AFF2: variants seen among roughly 807,000 people sequenced by gnomAD.
AFF2 encodes ALF transcription elongation factor 2, also known as AF4/FMR2 family member 2.
AFF2 carries 14 observed loss-of-function variants against 76.9 expected under a neutral mutation model. The observed-to-expected ratio is 0.18, with a 90% confidence interval of 0.12 to 0.28. The LOEUF is 0.28. Ranked by LOEUF, AFF2 falls within the 10% of genes least tolerant of loss-of-function variation. The pLI is 1.00. For synonymous variants in AFF2, 398 were observed against 366.7 expected (o/e 1.09, Z -0.98); for missense variants, 868 against 1,001.1 (o/e 0.87, Z 1.79).
chrX:148,873,356 G>GCTGCAACCCAGGCAGT (rs2071000919), intron 7 of AFF2, among the ~76,000 whole-genome samples: 1 of 110,514 alleles, frequency 9.0e-6, no homozygotes, highest in Admixed American at 9.7e-5. Flanking sequence ...AGGAGAAACT[G>GCTGCAACCCAGGCAGT]CTGCAACCCA....
chrX:148,585,407 C>T (rs1272444448), intron 1 of AFF2, among the ~76,000 whole-genome samples: 1 of 111,979 alleles, frequency 8.9e-6, no homozygotes, highest in African/African-American at 3.3e-5. Flanking sequence ...GTACCTGCCA[C>T]CTAGAGATCT....
chrX:148,732,148 A>G (rs1227066945), intron 3 of AFF2, among the ~76,000 whole-genome samples: 1 of 85,646 alleles, frequency 1.2e-5, no homozygotes, highest in Non-Finnish European at 2.1e-5. Flanking sequence ...GGCATTATTC[A>G]CAATAGCAAA....
chrX:148,902,018 C>A (rs1373358895), intron 8 of AFF2, among the ~76,000 whole-genome samples: 1 of 111,373 alleles, frequency 9.0e-6, no homozygotes, highest in East Asian at 2.9e-4. Flanking sequence ...AGCCAGGCAA[C>A]CCAGAAAAAA....
chrX:148,846,497 A>C (rs1265402), intron 7 of AFF2, among the ~76,000 whole-genome samples: 2 of 111,417 alleles, frequency 1.8e-5, no homozygotes, highest in African/African-American at 3.3e-5. Context: ...CAGTGTTCAA[A>C]TTTAAGCAGT....
intron 7 of AFF2, among the ~76,000 whole-genome samples, chrX:148,882,634 C>T (rs2071111204): frequency 9.0e-6 from 1 of 111,507 alleles, no homozygotes; most frequent in Non-Finnish European, 1.9e-5. Context: ...GGAATTATAA[C>T]CTCATGAAAA....
At position 148,760,392 on chromosome X, in the gene AFF2, T is replaced by C. The variant is rs185010032; in HGVS notation, c.1042-49484T>C. On this transcript the variant is annotated intron_variant, in intron 3 of 20. Transcript: ENST00000370460. Reference sequence around the variant, plus strand: ...ATCCCTGCCTGGTTACAGAAAGCAGTATACAAGACAAATAAGAAATACTAC... The same window carrying C: ...ATCCCTGCCTGGTTACAGAAAGCAGCATACAAGACAAATAAGAAATACTAC... 3.0e-3 allele frequency among the ~76,000 whole-genome samples: 341 copies of C among 112,323 alleles called. 10 individuals carry two copies. Among genetic ancestry groups the C allele is most frequent in the Admixed American group, 0.028 (296 of 10,570 alleles).
At chrX:148,747,975 G>A (rs1164902403) in intron 3 of AFF2, among the ~76,000 whole-genome samples, 1 of 111,819 alleles carries the variant, frequency 8.9e-6, no homozygotes, top group Admixed American at 9.5e-5. Context: ...AGTTAGAAAT[G>A]GGCTCAAATT....
chrX:148,709,103 G>A (rs1312200850), intron 3 of AFF2, among the ~76,000 whole-genome samples: 1 of 111,411 alleles, frequency 9.0e-6, no homozygotes, highest in Non-Finnish European at 1.9e-5. Flanking sequence ...CACTTAGTAA[G>A]AACCTTTCTA....
intron 7 of AFF2, among the ~76,000 whole-genome samples, chrX:148,866,457 G>A (rs2070908370): frequency 8.9e-6 from 1 of 112,329 alleles, no homozygotes; most frequent in African/African-American, 3.2e-5. Context: ...TTTTATACTG[G>A]CACAAATTCC....
chrX:148,851,608 G>A (rs1305922588), intron 7 of AFF2, among the ~76,000 whole-genome samples: 2 of 111,603 alleles, frequency 1.8e-5, no homozygotes, highest in Non-Finnish European at 3.8e-5. Context: ...AGAAGCTAAC[G>A]ATTTAGCAAC....
chrX:148,508,283 C>G (rs1344182873), intron 1 of AFF2, among the ~76,000 whole-genome samples: 2 of 112,120 alleles, frequency 1.8e-5, no homozygotes, highest in African/African-American at 6.5e-5. Flanking sequence ...ACTTGGTGAC[C>G]TTTATTAAAC....
intron 16 of AFF2, 33 bp from the exon 17 acceptor site, chrX:148,977,900 G>C (rs782003181): frequency 7.5e-6 from 8 of 1,071,258 alleles, no homozygotes; most frequent in Non-Finnish European, 1.0e-5. Context: ...GGGTAATACA[G>C]ATTCCACTTT....
chrX:148,962,924 G>A lies in AFF2; in HGVS notation c.2900G>A (p.Gly967Glu). 8.5e-7 allele frequency: 1 copy of A among 1,177,051 alleles called. No individual in the cohort carries two copies. The highest frequency in any genetic ancestry group is 1.2e-6 in the Non-Finnish European group (1 of 864,419). Residue 967 changes from glycine (G) to glutamate (E), a missense_variant, in exon 13 of 21, where the codon GGG becomes GAG. Gly to Glu is a moderately conservative substitution (Grantham distance 98). Transcript: ENST00000370460. ...TEGKFCATFKGISVNEGDTPK... is the reference protein window; with the variant it reads ...TEGKFCATFKEISVNEGDTPK... ...GGCAAATTCTGTGCTACTTTCAAAG[G>A]GATATCGGTAAATGTAAGCATCTTG...
At chrX:148,815,548 G>A (rs2070254509) in intron 4 of AFF2, among the ~76,000 whole-genome samples, 1 of 111,892 alleles carries the variant, frequency 8.9e-6, no homozygotes, top group Non-Finnish European at 1.9e-5. Context: ...ACAACTTTAT[G>A]TGAACAATGC....
At chrX:148,867,142 T>A (rs185859987) in intron 7 of AFF2, among the ~76,000 whole-genome samples, 116 of 112,354 alleles carry the variant, frequency 1.0e-3, no homozygotes, top group African/African-American at 3.1e-3. Flanking sequence ...TGCAGCTTGA[T>A]CCCATGAGGA....
At chrX:148,696,378 A>G (rs1376044358) in intron 3 of AFF2, among the ~76,000 whole-genome samples, 2 of 110,641 alleles carry the variant, frequency 1.8e-5, no homozygotes, top group African/African-American at 6.6e-5. Context: ...CAGCACACCA[A>G]CATGGCACAT....
At position 148,948,783 on chromosome X, in the gene AFF2, A is replaced by AT. The variant is rs35949570; in HGVS notation, c.1398-4792dup. ...CTCCTACACCTGGGGCCCCTTCCTCATTTTTGCTTACTTATCAGGACTCCA... is the reference window on the plus strand; with the variant it reads ...CTCCTACACCTGGGGCCCCTTCCTCATTTTTTGCTTACTTATCAGGACTCCA... On this transcript the variant is annotated intron_variant, in intron 9 of 20. Transcript: ENST00000370460. Among the ~76,000 whole-genome samples the AT allele has an allele frequency of 9.1e-3, 993 of 109,675 alleles. 5 individuals carry two copies. Among genetic ancestry groups the AT allele is most frequent in the Non-Finnish European group, 0.015 (782 of 52,632 alleles).
intron 3 of AFF2, among the ~76,000 whole-genome samples, chrX:148,778,930 T>A (rs1487227679): frequency 1.8e-5 from 2 of 111,553 alleles, no homozygotes; most frequent in African/African-American, 3.3e-5. Context: ...CTAGTTTTTT[T>A]AATTGTGATG....
intron 19 of AFF2, among the ~76,000 whole-genome samples, chrX:148,984,731 A>G (rs2072442720): frequency 8.9e-6 from 1 of 112,192 alleles, no homozygotes; most frequent in African/African-American, 3.2e-5. Flanking sequence ...TCAGTGTAAT[A>G]AAGTAAAAAG....
Sources: gnomAD v4.1 joint callset for allele counts (sites outside exome capture counted in the v4.1 genomes callset) on GRCh38, gnomAD v4.1.1 for gene constraint, MANE v1.5 for transcripts, NCBI Gene and HGNC (gene_info 2026-07-23, HGNC 2026-07-21) for gene names.